The following DLGAP1 variants were observed in gnomAD, a reference collection of about 807,000 sequenced individuals.
DLGAP1 encodes the protein DLG associated protein 1.
Under a neutral mutation model 90.8 loss-of-function variants are expected in DLGAP1, and 11 were observed. The observed-to-expected ratio is 0.12, with a 90% confidence interval of 0.08 to 0.20. The LOEUF (loss-of-function observed/expected upper bound fraction) is 0.20. Ranked by LOEUF, DLGAP1 falls within the 10% of genes least tolerant of loss-of-function variation. The pLI, the probability that DLGAP1 is intolerant of heterozygous loss-of-function variation, is 1.00. For missense variants in DLGAP1, 1,050 were observed against 1,333.8 expected (o/e 0.79, Z 3.31); for synonymous variants, 558 against 540.7 (o/e 1.03, Z -0.44).
At chr18:3,917,998 C>T (rs899795325) in intron 3 of DLGAP1, among the ~76,000 whole-genome samples, 1 of 152,164 alleles carries the variant, frequency 6.6e-6, no homozygotes, top group Admixed American at 6.5e-5. Context: ...GCTCTCCCTC[C>T]TTCATAATCA....
At chr18:3,626,979 G>A (rs2058321306) in intron 7 of DLGAP1, among the ~76,000 whole-genome samples, 1 of 152,108 alleles carries the variant, frequency 6.6e-6, no homozygotes, top group Admixed American at 6.6e-5. Flanking sequence ...CACAAAAAAC[G>A]CTGAATTGTG....
At chr18:4,222,044 A>G (rs781159996) in intron 1 of DLGAP1, among the ~76,000 whole-genome samples, 1 of 152,052 alleles carries the variant, frequency 6.6e-6, no homozygotes, top group South Asian at 2.1e-4. Flanking sequence ...AGTATTAAAT[A>G]TATTAGTTTC....
At chr18:3,584,380 C>T (rs2055752346) in intron 7 of DLGAP1, among the ~76,000 whole-genome samples, 1 of 151,304 alleles carries the variant, frequency 6.6e-6, no homozygotes, top group African/African-American at 2.4e-5. Context: ...CAGGCCATCT[C>T]ACTGAATGAA....
intron 5 of DLGAP1, among the ~76,000 whole-genome samples, chr18:3,767,128 T>C (rs979577456): frequency 3.3e-5 from 5 of 152,162 alleles, no homozygotes; most frequent in Admixed American, 3.3e-4. Flanking sequence ...TATGAACAAC[T>C]GTATACTTGT....
At chr18:3,676,063 T>A (rs7240590) in intron 7 of DLGAP1, among the ~76,000 whole-genome samples, 3,194 of 152,304 alleles carry the variant, frequency 0.021, 121 homozygotes, top group African/African-American at 0.073. Flanking sequence ...CAAACTATTT[T>A]CCTTTCTAAC....
At chr18:3,655,816 C>G (rs375256250) in intron 7 of DLGAP1, 3 of 407,318 alleles carry the variant, frequency 7.4e-6, no homozygotes, top group Admixed American at 8.2e-5. Context: ...GGCTCGCTGA[C>G]GAGCACCGGC....
At chr18:3,869,211 T>G (rs1252813958) in intron 4 of DLGAP1, among the ~76,000 whole-genome samples, 1 of 151,948 alleles carries the variant, frequency 6.6e-6, no homozygotes, top group Non-Finnish European at 1.5e-5. Flanking sequence ...CAGAATTATA[T>G]TCCATCAGCC....
chr18:3,840,881 C>T (rs531447324), intron 4 of DLGAP1, among the ~76,000 whole-genome samples: 13 of 152,300 alleles, frequency 8.5e-5, no homozygotes, highest in African/African-American at 2.6e-4. Context: ...CACTCATTCA[C>T]GGAACACCCT....
chr18:4,359,738 C>T (rs1342621966), intron 1 of DLGAP1, among the ~76,000 whole-genome samples: 2 of 152,058 alleles, frequency 1.3e-5, no homozygotes, highest in Admixed American at 6.6e-5. Context: ...TTGATAATGG[C>T]AGGCAGAGAG....
intron 4 of DLGAP1, chr18:3,874,423 A>T: frequency 2.8e-6 from 4 of 1,438,300 alleles, no homozygotes; most frequent in Non-Finnish European, 3.6e-6. Flanking sequence ...TAACAGTTGG[A>T]AATCTAAAAT....
At chr18:3,758,530 C>G (rs1451586227) in intron 5 of DLGAP1, among the ~76,000 whole-genome samples, 1 of 152,218 alleles carries the variant, frequency 6.6e-6, no homozygotes, top group African/African-American at 2.4e-5. Flanking sequence ...GAAGCTCTCC[C>G]TAATGCCTGC....
intron 10 of DLGAP1, among the ~76,000 whole-genome samples, chr18:3,513,929 C>T (rs540449463): frequency 1.1e-4 from 16 of 152,224 alleles, no homozygotes; most frequent in African/African-American, 3.1e-4. Flanking sequence ...TTCCTTTAAC[C>T]CTCCCAGTGG....
rs1247284557 is a variant in DLGAP1, at chr18:3,749,568, G to C, written c.1173-7056C>G. Among the ~76,000 whole-genome samples the C allele has an allele frequency of 2.0e-5, 3 of 151,988 alleles. No individual in the cohort carries two copies. In the East Asian group the frequency reaches 5.8e-4, roughly 29 times the overall value. On this transcript the variant is annotated intron_variant, in intron 5 of 12. Coordinates refer to ENST00000315677, the MANE Select transcript of DLGAP1 (RefSeq NM_004746.4). ...AATACTTTATAATTGTTTATATTCT[G>C]TTTTTATTGTACATTCTGTTTATGG...
At chr18:4,103,877 C>A (rs1254441936) in intron 2 of DLGAP1, among the ~76,000 whole-genome samples, 2 of 152,106 alleles carry the variant, frequency 1.3e-5, no homozygotes, top group East Asian at 3.8e-4. Context: ...ACTAGCTACA[C>A]ATAGTTCATA....
intron 9 of DLGAP1, among the ~76,000 whole-genome samples, chr18:3,561,266 C>CAAAAAAAAAAAAAAA (rs71159092): frequency 7.2e-5 from 8 of 110,458 alleles, no homozygotes; most frequent in Admixed American, 1.0e-4. Flanking sequence ...AAAAAAAAAA[C>CAAAAAAAAAAAAAAA]AAAAAAAAAA....
intron 3 of DLGAP1, among the ~76,000 whole-genome samples, chr18:3,884,971 T>G (rs2071271657): frequency 6.6e-6 from 1 of 152,250 alleles, no homozygotes; most frequent in African/African-American, 2.4e-5. Context: ...TAACAAATCT[T>G]ACACTCTCTT....
At chr18:4,030,550 CT>C (rs1057134868) in intron 2 of DLGAP1, among the ~76,000 whole-genome samples, 25 of 144,380 alleles carry the variant, frequency 1.7e-4, no homozygotes, top group African/African-American at 6.1e-4. Context: ...GGATTGAGGC[CT>C]CTTGTTTTGG....
intron 4 of DLGAP1, among the ~76,000 whole-genome samples, chr18:3,823,668 G>A (rs2067544545): frequency 6.6e-6 from 1 of 152,120 alleles, no homozygotes; most frequent in Non-Finnish European, 1.5e-5. Context: ...TTTGGAACTT[G>A]TAACAAGTAC....
chr18:4,130,385 T>A (rs2076295948), intron 2 of DLGAP1, among the ~76,000 whole-genome samples: 1 of 152,208 alleles, frequency 6.6e-6, no homozygotes, highest in Non-Finnish European at 1.5e-5. Flanking sequence ...GATGGATTAG[T>A]AAGTGAATGT....
Sources: allele counts gnomAD v4.1 joint callset (sites outside exome capture counted in the v4.1 genomes callset), GRCh38; gene constraint gnomAD v4.1.1; transcripts MANE v1.5; gene names NCBI Gene and HGNC (gene_info 2026-07-23, HGNC 2026-07-21).